The following SUPT3H variants were observed in gnomAD, a reference collection of about 807,000 sequenced individuals.
The protein encoded by SUPT3H is transcription initiation protein SPT3 homolog.
A neutral mutation model predicts 44.3 loss-of-function variants in SUPT3H; 44 were observed. The observed-to-expected ratio is 0.99, with a 90% CI of 0.78 to 1.28. The LOEUF (loss-of-function observed/expected upper bound fraction) is 1.28, where lower values mean the gene tolerates loss of function less well. Among genes scored for constraint, SUPT3H ranks in the 50% most tolerant of loss-of-function variants. The pLI is 0.00. For missense variants in SUPT3H, 380 were observed against 387.1 expected, an observed-to-expected ratio of 0.98 and a Z score of 0.15; for synonymous variants, 124 against 125.6, an observed-to-expected ratio of 0.99 and a Z score of 0.09.
At position 45,095,773 on chromosome 6, in the gene SUPT3H, T is replaced by C. The variant is rs1449659621; in HGVS notation, c.186+10149A>G. On this transcript the variant is annotated intron_variant, in intron 3 of 10. Coordinates refer to ENST00000371459, the MANE Select transcript of SUPT3H (RefSeq NM_003599.4). This position sits in a 1 kb window ranked among gnomAD's most constrained non-coding sequence, Gnocchi z 4.1. ...TTACTTTTTGAACTTGAAAGAGATA[T>C]TGACAACATCATAACAACAACTCAA... Among the ~76,000 whole-genome samples the C allele has an allele frequency of 3.3e-5, 5 of 152,168 alleles. No homozygotes were observed. The highest frequency in any genetic ancestry group is 5.9e-5 in the Non-Finnish European group (4 of 67,988).
intron 2 of SUPT3H, among the ~76,000 whole-genome samples, chr6:45,215,782 T>C (rs1764932415): frequency 6.6e-6 from 1 of 152,122 alleles, no homozygotes; most frequent in Admixed American, 6.5e-5. Context: ...AATGAAATAA[T>C]AGCTGAGAAG....
At chr6:45,166,531 G>A (rs948290600) in intron 2 of SUPT3H, among the ~76,000 whole-genome samples, 1 of 147,102 alleles carries the variant, frequency 6.8e-6, no homozygotes, top group Non-Finnish European at 1.5e-5. Context: ...CTTGCAGTGA[G>A]CAGAGATTGG....
At chr6:44,949,803 G>C (rs1773993680) in intron 9 of SUPT3H, among the ~76,000 whole-genome samples, 1 of 152,234 alleles carries the variant, frequency 6.6e-6, no homozygotes, top group African/African-American at 2.4e-5. Flanking sequence ...TGATGAAGCT[G>C]TGGAGCAACT....
intron 3 of SUPT3H, among the ~76,000 whole-genome samples, chr6:45,074,075 A>T (rs915501123): frequency 2.1e-4 from 32 of 152,000 alleles, no homozygotes; most frequent in African/African-American, 7.7e-4. Context: ...TGTTAACTCT[A>T]TATGTAATTT....
At chr6:45,294,422 T>G (rs147477664) in intron 2 of SUPT3H, among the ~76,000 whole-genome samples, 1 of 152,002 alleles carries the variant, frequency 6.6e-6, no homozygotes, top group East Asian at 1.9e-4. Context: ...ACAGGAACAA[T>G]ACAAGGCTGC....
chr6:44,898,424 C>A lies in SUPT3H; in HGVS notation c.912+34229G>T, dbSNP rs533099351. ...TCAGCCCTCCCATGGAAAACTGAGG[C>A]CCCCAGCCAACTCCTAGCATTACTC... On this transcript the variant is annotated intron_variant, in intron 10 of 10. Transcript: ENST00000371459. 3.9e-5 allele frequency among the ~76,000 whole-genome samples: 6 copies of A among 152,198 alleles called. No individual in the cohort carries two copies. The Middle Eastern group carries it at 0.01, about 259-fold the overall frequency.
chr6:44,849,669 A>G (rs1294908589), intron 10 of SUPT3H, among the ~76,000 whole-genome samples: 1 of 152,216 alleles, frequency 6.6e-6, no homozygotes, highest in Non-Finnish European at 1.5e-5. Context: ...AGAGACACAG[A>G]CATAGTCCTC....
intron 2 of SUPT3H, among the ~76,000 whole-genome samples, chr6:45,195,733 T>C (rs1187171011): frequency 6.6e-6 from 1 of 152,142 alleles, no homozygotes; most frequent in East Asian, 1.9e-4. Flanking sequence ...TTCAGTAACA[T>C]CAGCAGAAAA....
intron 2 of SUPT3H, among the ~76,000 whole-genome samples, chr6:45,286,793 G>A (rs571835182): frequency 2.0e-5 from 3 of 152,240 alleles, no homozygotes; most frequent in East Asian, 3.9e-4. Context: ...ACATGCACAC[G>A]TATGTTTATT....
chr6:45,345,851 T>C (rs1330909716), intron 2 of SUPT3H, among the ~76,000 whole-genome samples: 2 of 152,144 alleles, frequency 1.3e-5, no homozygotes, highest in African/African-American at 4.8e-5. Flanking sequence ...TTGATACTAA[T>C]CATGTTTTAT....
chr6:45,056,380 T>C (rs1226586987), intron 3 of SUPT3H, among the ~76,000 whole-genome samples: 4 of 152,184 alleles, frequency 2.6e-5, no homozygotes, highest in Non-Finnish European at 4.4e-5. Context: ...TACTTGCATA[T>C]GCATGTTTAT....
intron 10 of SUPT3H, among the ~76,000 whole-genome samples, chr6:44,868,759 T>C (rs79277606): frequency 6.4e-4 from 98 of 152,348 alleles, no homozygotes; most frequent in African/African-American, 2.1e-3. Flanking sequence ...TGTTTCCTGA[T>C]GTTTGTCCCA....
chr6:45,213,216 T>C (rs1764421386), intron 2 of SUPT3H, among the ~76,000 whole-genome samples: 1 of 152,208 alleles, frequency 6.6e-6, no homozygotes, highest in African/African-American at 2.4e-5. Context: ...AGTTTGAGTA[T>C]GCATTGTTCA....
chr6:44,939,933 A>G (rs1772130716), intron 9 of SUPT3H, among the ~76,000 whole-genome samples: 1 of 151,292 alleles, frequency 6.6e-6, no homozygotes, highest in South Asian at 2.1e-4. Flanking sequence ...GTTTATTTGG[A>G]TCCTCTCTCT....
chr6:45,288,597 G>GTGTATATATATATA (rs1779763490), intron 2 of SUPT3H, among the ~76,000 whole-genome samples: 1 of 31,294 alleles, frequency 3.2e-5, no homozygotes, highest in Non-Finnish European at 8.0e-5. Context: ...ATATATATAT[G>GTGTATATATATATA]TGTATATATA....
chr6:45,329,164 C>T (rs528622840), intron 2 of SUPT3H, among the ~76,000 whole-genome samples: 1 of 151,994 alleles, frequency 6.6e-6, no homozygotes, highest in East Asian at 1.9e-4. Context: ...CCGGCAGCTC[C>T]CAATATTTGA....
intron 2 of SUPT3H, among the ~76,000 whole-genome samples, chr6:45,209,509 GAGAATT>G (rs1231352713): frequency 2.0e-5 from 3 of 152,192 alleles, no homozygotes; most frequent in Admixed American, 6.5e-5. Flanking sequence ...GAAACTGTAA[GAGAATT>G]AGAATTAGAA....
At chr6:45,173,248 T>G (rs1811127732) in intron 2 of SUPT3H, among the ~76,000 whole-genome samples, 1 of 152,198 alleles carries the variant, frequency 6.6e-6, no homozygotes, top group Non-Finnish European at 1.5e-5. Flanking sequence ...AAATCTTACA[T>G]AAACTTAAAC....
At chr6:45,085,117 G>C (rs1298721664) in intron 3 of SUPT3H, among the ~76,000 whole-genome samples, 1 of 151,974 alleles carries the variant, frequency 6.6e-6, no homozygotes, top group African/African-American at 2.4e-5. Context: ...TGAAATAAAA[G>C]TTGAAATTTT....
Sources: gnomAD v4.1 joint callset for allele counts (sites outside exome capture counted in the v4.1 genomes callset) on GRCh38, gnomAD v4.1.1 for gene constraint, Gnocchi (gnomAD v3.1) non-coding constraint, MANE v1.5 for transcripts, NCBI Gene and HGNC (gene_info 2026-07-23, HGNC 2026-07-21) for gene names.